Variants in PCDHA8 observed in about 807,000 individuals in gnomAD.
The protein encoded by PCDHA8 is protocadherin alpha 8.
PCDHA8 carries 53 observed loss-of-function variants against 61.8 expected under a neutral mutation model. The observed-to-expected ratio is 0.86, with a 90% CI of 0.69 to 1.08. The LOEUF (loss-of-function observed/expected upper bound fraction) is 1.08. Ranked by LOEUF, PCDHA8 falls within the 50% of genes least tolerant of loss-of-function variation. PCDHA8 has a pLI of 0.00. For synonymous variants in PCDHA8, 618 were observed against 556.6 expected, an observed-to-expected ratio of 1.11 and a Z score of -1.55; for missense variants, 1,293 against 1,245.0, an observed-to-expected ratio of 1.04 and a Z score of -0.58.
chr5:140,888,077 A>T (rs575248983), intron 1 of PCDHA8, among the ~76,000 whole-genome samples: 2 of 152,238 alleles, frequency 1.3e-5, no homozygotes, highest in African/African-American at 4.8e-5. Flanking sequence ...TGCTAATTTC[A>T]ACATTTTTGT....
At chr5:140,966,683 G>A (rs1357691419) in intron 1 of PCDHA8, 1 of 1,331,590 alleles carries the variant, frequency 7.5e-7, no homozygotes. Flanking sequence ...TGGCACGAGC[G>A]GAGGCGGGGC....
intron 1 of PCDHA8, chr5:140,876,810 C>T (rs782009058): frequency 1.9e-6 from 3 of 1,614,154 alleles, no homozygotes; most frequent in East Asian, 2.2e-5. Flanking sequence ...TGGAGGTGGC[C>T]GACGTGAACG....
intron 1 of PCDHA8, among the ~76,000 whole-genome samples, chr5:140,938,945 T>A (rs1390189208): frequency 6.6e-6 from 1 of 152,154 alleles, no homozygotes; most frequent in African/African-American, 2.4e-5. Context: ...TCCATTCTTA[T>A]AATGCTCTAG....
intron 1 of PCDHA8, chr5:140,866,517 C>T (rs1554160368): frequency 6.6e-6 from 1 of 152,090 alleles, no homozygotes; most frequent in African/African-American, 2.4e-5. Flanking sequence ...CTTGACTAAG[C>T]CATGATAGAG....
intron 1 of PCDHA8, among the ~76,000 whole-genome samples, chr5:140,965,232 G>C (rs192008157): frequency 6.6e-5 from 10 of 152,194 alleles, no homozygotes; most frequent in Non-Finnish European, 1.0e-4. Context: ...GTGAGAACCT[G>C]GGAAGAGTGA....
chr5:140,931,626 A>G (rs1048704969), intron 1 of PCDHA8, among the ~76,000 whole-genome samples: 1 of 152,052 alleles, frequency 6.6e-6, no homozygotes, highest in Non-Finnish European at 1.5e-5. Flanking sequence ...CTTTTTAGGT[A>G]GCTCATTGGT....
Position 140,883,886 on chromosome 5 carries a change from T to G in PCDHA8, c.2394+40171T>G, listed in dbSNP as rs147704126. ...GCAGTTCCAGGTGAGCGCGCGCGAC[T>G]CTGGCGTGCCGCCTCTGGGCAGCAA... On this transcript the variant is annotated intron_variant, in intron 1 of 3. Transcript: ENST00000531613. The G allele has an allele frequency of 2.5e-5, 41 of 1,613,036 alleles. No homozygotes were observed. The African/African-American group carries it at 2.7e-4, about 11-fold the overall frequency.
At chr5:140,926,584 C>T in intron 1 of PCDHA8, 1 of 285,400 alleles carries the variant, frequency 3.5e-6, no homozygotes, top group Non-Finnish European at 6.4e-6. Context: ...GCACCTCTCG[C>T]GCCCGGGCGG....
intron 1 of PCDHA8, chr5:140,853,906 C>T (rs2042902737): frequency 2.1e-6 from 2 of 955,058 alleles, no homozygotes; most frequent in African/African-American, 1.8e-5. Flanking sequence ...GGTGGCCTGA[C>T]ACCTGCAATC....
At chr5:140,917,325 G>A (rs2078036694) in intron 1 of PCDHA8, among the ~76,000 whole-genome samples, 2 of 131,364 alleles carry the variant, frequency 1.5e-5, no homozygotes, top group East Asian at 2.1e-4. Context: ...TTCATGTGGC[G>A]GGGGAGGGGG....
intron 1 of PCDHA8, among the ~76,000 whole-genome samples, chr5:140,930,773 TA>T (rs1192170091): frequency 6.6e-6 from 1 of 152,226 alleles, no homozygotes; most frequent in East Asian, 1.9e-4. Flanking sequence ...CTGTACTTAA[TA>T]TTTTCACAAT....
chr5:140,968,373 C>T (rs1554230649), intron 1 of PCDHA8: 1 of 1,614,034 alleles, frequency 6.2e-7, no homozygotes, highest in African/African-American at 1.3e-5. Context: ...GCTGTCAACT[C>T]CTTTGACTAT....
intron 1 of PCDHA8, chr5:140,927,539 A>G (rs1554204701): frequency 6.2e-7 from 1 of 1,614,112 alleles, no homozygotes; most frequent in Non-Finnish European, 8.5e-7. Flanking sequence ...CGCTCAGGAG[A>G]CGCACAAGTC....
At chr5:141,000,415 A>AT (rs1563651650) in intron 3 of PCDHA8, among the ~76,000 whole-genome samples, 6 of 87,394 alleles carry the variant, frequency 6.9e-5, no homozygotes, top group African/African-American at 1.5e-4. Flanking sequence ...ATATATATAT[A>AT]TATATATTTT....
intron 1 of PCDHA8, chr5:140,852,486 C>A: frequency 4.8e-6 from 1 of 209,724 alleles, no homozygotes; most frequent in Non-Finnish European, 9.1e-6. Flanking sequence ...TCATGTTGGC[C>A]AGGTTGGTCT....
intron 1 of PCDHA8, chr5:140,882,266 A>G (rs1471101520): frequency 6.2e-7 from 1 of 1,610,426 alleles, no homozygotes; most frequent in South Asian, 1.1e-5. Flanking sequence ...TTTGGAGTGT[A>G]CCATGCTGTC....
intron 1 of PCDHA8, chr5:140,860,192 C>CATATATAT (rs143984774): frequency 6.9e-4 from 101 of 146,860 alleles, no homozygotes; most frequent in African/African-American, 2.5e-3. Context: ...GCTCTCCTTA[C>CATATATAT]ATATATATCT....
chr5:140,927,203 C>G (rs782141467), intron 1 of PCDHA8: 1 of 1,614,104 alleles, frequency 6.2e-7, no homozygotes, highest in Admixed American at 1.7e-5. Context: ...CTCGAGGACC[C>G]GCTGGAGCTG....
chr5:140,853,170 C>G, intron 1 of PCDHA8: 1 of 964,208 alleles, frequency 1.0e-6, no homozygotes, highest in South Asian at 4.8e-5. Flanking sequence ...TGAGCCACCG[C>G]GCCTGGCCTA....
Sources: allele counts gnomAD v4.1 joint callset (sites outside exome capture counted in the v4.1 genomes callset), GRCh38; gene constraint gnomAD v4.1.1; transcripts MANE v1.5; gene names NCBI Gene and HGNC (gene_info 2026-07-23, HGNC 2026-07-21).